SNX31: variants seen among roughly 807,000 people sequenced by gnomAD.
The protein encoded by SNX31 is sorting nexin-31.
Under a neutral mutation model 65.4 loss-of-function variants are expected in SNX31, and 58 were observed. The ratio of observed to expected loss-of-function variants is 0.89; its 90% CI spans 0.72 to 1.10. The LOEUF (loss-of-function observed/expected upper bound fraction) is 1.10. SNX31 is among the 50% of genes least tolerant of loss of function. The pLI is 0.00. For missense variants in SNX31, 523 were observed against 529.7 expected, an observed-to-expected ratio of 0.99 and a Z score of 0.12; for synonymous variants, 181 against 190.1, an observed-to-expected ratio of 0.95 and a Z score of 0.39.
At chr8:100,596,555 A>G (rs1250417899) in intron 10 of SNX31, 84 bp downstream of exon 10, 5 of 1,160,054 alleles carry the variant, frequency 4.3e-6, no homozygotes, top group African/African-American at 1.5e-5. Flanking sequence ...CAAATGGCAA[A>G]CCTGTCTCCC....
chr8:100,589,551 T>C (rs1814385578), intron 10 of SNX31, among the ~76,000 whole-genome samples: 1 of 152,164 alleles, frequency 6.6e-6, no homozygotes, highest in South Asian at 2.1e-4. Context: ...AGGTAGAAAC[T>C]ACCCAAGTTT....
Position 100,600,418 on chromosome 8 carries a change from T to C in SNX31, c.705A>G (p.Gly235=). The C allele has an allele frequency of 6.2e-7, 1 of 1,613,596 alleles. No individual in the cohort carries two copies. Among genetic ancestry groups the C allele is most frequent in the African/African-American group, 1.3e-5 (1 of 75,042 alleles). The change falls in exon 9 of 14, where the codon GGA becomes GGG. Residue 235 remains glycine, a synonymous_variant. Transcript: ENST00000311812. ...YMQAIQDIEK[G]WAKPTQAQRQ... Reference sequence around the variant, plus strand: ...TCTGTGCCTGTGTGGGTTTGGCCCATCCTTTTTCAATGTCCTGTATTGCCT... The same window carrying C: ...TCTGTGCCTGTGTGGGTTTGGCCCACCCTTTTTCAATGTCCTGTATTGCCT...
intron 10 of SNX31, among the ~76,000 whole-genome samples, chr8:100,596,389 C>T (rs1179309173): frequency 2.0e-5 from 3 of 152,200 alleles, no homozygotes; most frequent in East Asian, 1.9e-4. Flanking sequence ...TTACTACAGC[C>T]ACCCTTCAAG....
chr8:100,592,322 A>G (rs1814661833), intron 10 of SNX31, among the ~76,000 whole-genome samples: 1 of 152,236 alleles, frequency 6.6e-6, no homozygotes, highest in Non-Finnish European at 1.5e-5. Context: ...AATGTTAGAC[A>G]TTACAGAAGA....
rs1816524622 is a variant in SNX31 at position 100,609,637 on chromosome 8, T to C, written c.612-1074A>G. On this transcript the variant is annotated intron_variant, in intron 7 of 13. Coordinates refer to ENST00000311812, the MANE Select transcript of SNX31 (RefSeq NM_152628.4). The surrounding 1 kb of genome is among the most constrained non-coding windows in gnomAD (Gnocchi z 4.9). ...ACCAGAAGGCAGAGGCAAGCAGAGTTGCTATGCTCAGAATAGGGTGAATAG... is the reference window on the plus strand; with the variant it reads ...ACCAGAAGGCAGAGGCAAGCAGAGTCGCTATGCTCAGAATAGGGTGAATAG... Among the ~76,000 whole-genome samples the C allele has an allele frequency of 6.6e-6, 1 of 152,254 alleles. No homozygotes were observed. Among genetic ancestry groups the C allele is most frequent in the African/African-American group, 2.4e-5 (1 of 41,530 alleles).
In SNX31 at chr8:100,662,022, G is replaced by A. The variant is rs568552972; in HGVS notation, c.-58+1120C>T. Among the ~76,000 whole-genome samples the A allele has an allele frequency of 5.3e-5, 8 of 152,078 alleles. No homozygotes were observed. The East Asian group carries it at 5.8e-4, about 11-fold the overall frequency. On this transcript the variant is annotated intron_variant, in intron 1 of 5. Transcript: ENST00000520352. ...GTATTTTTAGTAGAGACAGGGTTTC[G>A]CCATGTTGGCCAGGCTGGTCTTGAA...
chr8:100,601,292 T>C (rs183184311), intron 8 of SNX31, among the ~76,000 whole-genome samples: 16 of 152,318 alleles, frequency 1.1e-4, no homozygotes, highest in Admixed American at 2.6e-4. Context: ...TAATAGGCTA[T>C]GCTATCATTA....
rs1263075664 is a variant in SNX31, at chr8:100,616,660, G to C, written c.432+960C>G. 4.6e-5 allele frequency among the ~76,000 whole-genome samples: 7 copies of C among 152,284 alleles called. 1 individual carries two copies. The South Asian group carries it at 1.0e-3, about 23-fold the overall frequency. ...TAGAGATCTAGCTGGGAAACAATGA[G>C]GGCTGGAGCTAAGGTCAAGATGTAG... On this transcript the variant is annotated intron_variant, in intron 5 of 13. Coordinates refer to ENST00000311812, the MANE Select transcript of SNX31 (RefSeq NM_152628.4).
intron 8 of SNX31, among the ~76,000 whole-genome samples, chr8:100,601,559 TG>T (rs1815628438): frequency 6.6e-6 from 1 of 152,208 alleles, no homozygotes; most frequent in Admixed American, 6.5e-5. Flanking sequence ...AGATTTGGGG[TG>T]ACATCTACTT....
At chr8:100,599,248 A>C (rs1394898063) in intron 9 of SNX31, among the ~76,000 whole-genome samples, 2 of 152,214 alleles carry the variant, frequency 1.3e-5, no homozygotes, top group Non-Finnish European at 2.9e-5. Context: ...TTTTGTGGAA[A>C]AACTACAAAT....
At chr8:100,608,661 C>G in intron 7 of SNX31, 98 bp from the exon 8 acceptor site, 1 of 1,107,880 alleles carries the variant, frequency 9.0e-7, no homozygotes, top group Non-Finnish European at 1.3e-6. Context: ...CCCTATGAAC[C>G]AGGGCCCCCT....
chr8:100,660,802 GAAT>G lies in SNX31; in HGVS notation c.-58+2337_-58+2339del, dbSNP rs1295161643. On this transcript the variant is annotated intron_variant, in intron 1 of 5. Transcript: ENST00000520352. The surrounding 1 kb of genome is among the most constrained non-coding windows in gnomAD (Gnocchi z 4.1). ...GCATTTACACTAGAATCATAAATCT[GAAT>G]AATATTTGTAAAAGGGCTGCTTTGA... Among the ~76,000 whole-genome samples, 3 of 152,146 alleles carry G rather than the reference GAAT, an allele frequency of 2.0e-5. No homozygotes were observed. The highest frequency in any genetic ancestry group is 6.5e-5 in the Admixed American group (1 of 15,276).
intron 2 of SNX31, among the ~76,000 whole-genome samples, chr8:100,640,676 G>A (rs537091196): frequency 6.6e-6 from 1 of 152,202 alleles, no homozygotes; most frequent in East Asian, 1.9e-4. Context: ...TTTATCTCTG[G>A]GGTCTTCATC....
chr8:100,611,321 C>T (rs1421689830), intron 7 of SNX31, among the ~76,000 whole-genome samples: 1 of 152,150 alleles, frequency 6.6e-6, no homozygotes, highest in Non-Finnish European at 1.5e-5. Context: ...CCAAGGCCAG[C>T]CATTTCCCAC....
Position 100,584,096 on chromosome 8 carries a change from G to T in SNX31, c.1170+15C>A. 1 of 1,598,784 alleles carries T rather than the reference G, an allele frequency of 6.3e-7. No individual in the cohort carries two copies. Among genetic ancestry groups the T allele is most frequent in the East Asian group, 2.3e-5 (1 of 43,362 alleles). ...GAACGTAAAGTGAAAAATAGACACAGATAAGAGCACTCACCATTTCTGTAT... is the reference window on the plus strand; with the variant it reads ...GAACGTAAAGTGAAAAATAGACACATATAAGAGCACTCACCATTTCTGTAT... On this transcript the variant is annotated intron_variant, in intron 12 of 13. Coordinates refer to ENST00000311812, the MANE Select transcript of SNX31 (RefSeq NM_152628.4).
intron 4 of SNX31, among the ~76,000 whole-genome samples, chr8:100,621,825 C>T (rs1817716019): frequency 6.6e-6 from 1 of 152,362 alleles, no homozygotes; most frequent in Admixed American, 6.5e-5. Flanking sequence ...TTCCTTTCCT[C>T]CTCCTGTCTG....
chr8:100,643,346 C>T (rs1819401230), intron 2 of SNX31, among the ~76,000 whole-genome samples: 1 of 152,136 alleles, frequency 6.6e-6, no homozygotes, highest in Non-Finnish European at 1.5e-5. Flanking sequence ...TGCATTCACA[C>T]CCCCCTATAC....
intron 2 of SNX31, among the ~76,000 whole-genome samples, chr8:100,644,237 A>G (rs532291313): frequency 2.6e-5 from 4 of 152,178 alleles, no homozygotes; most frequent in Non-Finnish European, 5.9e-5. Context: ...GTCCTTTGCA[A>G]GCTTTCCCAA....
rs1007958952 is a variant in SNX31 at position 100,604,961 on chromosome 8, T to A, written c.681+3533A>T. 6.6e-6 allele frequency among the ~76,000 whole-genome samples: 1 copy of A among 152,046 alleles called. No homozygotes were observed. Among genetic ancestry groups the A allele is most frequent in the African/African-American group, 2.4e-5 (1 of 41,414 alleles). ...TCACCCAAGCAGGAGTACAGTGACA[T>A]ATTCTTGGCTCCCTGCAACCTCTGC... On this transcript the variant is annotated intron_variant, in intron 8 of 13. Transcript: ENST00000311812. This position sits in a 1 kb window ranked among gnomAD's most constrained non-coding sequence, Gnocchi z 4.3.
Sources: allele counts gnomAD v4.1 joint callset (sites outside exome capture counted in the v4.1 genomes callset), GRCh38; gene constraint gnomAD v4.1.1; non-coding constraint Gnocchi (gnomAD v3.1); transcripts MANE v1.5; gene names NCBI Gene and HGNC (gene_info 2026-07-23, HGNC 2026-07-21).